Variants in MTPAP observed in about 807,000 individuals in gnomAD.
The protein encoded by MTPAP is mitochondrial poly(A) polymerase, also known as poly(A) RNA polymerase, mitochondrial.
A neutral mutation model predicts 48.7 loss-of-function variants in MTPAP; 23 were observed. The observed-to-expected ratio is 0.47, with a 90% CI of 0.34 to 0.67. The LOEUF (loss-of-function observed/expected upper bound fraction) is 0.67, where lower values mean the gene tolerates loss of function less well. Among genes scored for constraint, MTPAP ranks in the 30% least tolerant of loss-of-function variants. The pLI, the probability that MTPAP is intolerant of heterozygous loss-of-function variation, is 0.01. For synonymous variants in MTPAP, 257 were observed against 254.1 expected (o/e 1.01, Z -0.11); for missense variants, 614 against 694.3 (o/e 0.88, Z 1.30).
Position 30,313,519 on chromosome 10 carries a change from G to C in MTPAP, c.*90C>G, listed in dbSNP as rs571328710. The C allele has an allele frequency of 5.3e-5, 80 of 1,523,750 alleles. No homozygotes were observed. Among genetic ancestry groups the C allele is most frequent in the Non-Finnish European group, 7.1e-5 (78 of 1,104,300 alleles). The allele number at this position is 1,523,750 out of a possible 1,614,324, so 94.4% of individuals were successfully genotyped here. On this transcript the variant is annotated 3_prime_UTR_variant, in exon 9 of 9. Transcript: ENST00000263063. ...AAAAGTGACATCAGATGAAAGCTGA[G>C]ATCTGTGAAAGTTTCAAATCAGTTT...
intron 8 of MTPAP, among the ~76,000 whole-genome samples, chr10:30,315,042 C>T (rs796411409): frequency 5.0e-4 from 76 of 152,162 alleles, no homozygotes; most frequent in African/African-American, 1.8e-3. Context: ...GGTCAAAATT[C>T]CCTGATGTGA....
rs114256068 is a variant in MTPAP at position 30,323,950 on chromosome 10, G to C, written c.993-1333C>G. On this transcript the variant is annotated intron_variant, in intron 5 of 8. Transcript: ENST00000263063. ...GATCTCAGAACTTTGGGAAGCTGAG[G>C]TGGGCAGATAGCTTGAGCCGAGGAG... Among the ~76,000 whole-genome samples the C allele has an allele frequency of 2.6e-3, 397 of 152,312 alleles. 1 individual carries two copies. The highest frequency in any genetic ancestry group is 9.1e-3 in the African/African-American group (378 of 41,576).
At chr10:30,323,509 T>C (rs1840752112) in intron 5 of MTPAP, among the ~76,000 whole-genome samples, 1 of 146,628 alleles carries the variant, frequency 6.8e-6, no homozygotes, top group Non-Finnish European at 1.5e-5. Context: ...ACTCAGAATA[T>C]GTATGTATTT....
intron 5 of MTPAP, among the ~76,000 whole-genome samples, chr10:30,325,592 C>T (rs1038221117): frequency 3.9e-5 from 6 of 151,946 alleles, no homozygotes; most frequent in African/African-American, 1.5e-4. Flanking sequence ...ACTAAAAAAA[C>T]AAAAATTAGC....
rs200030815 is a variant in MTPAP, at chr10:30,349,259, A to G, written c.17T>C (p.Val6Ala). MAVPG[V>A]GLLTRLNLCA... is the part of the protein sequence containing the mutation. ...CAGGTTCAAACGGGTCAAGAGCCCC[A>G]CGCCGGGAACCGCCATTGCTAAAAA... Residue 6 changes from valine to alanine, a missense_variant, in exon 1 of 9, where the codon GTG becomes GCG. By Grantham distance (64) the Val-to-Ala change is moderately conservative (BLOSUM62 0). Transcript: ENST00000263063. The G allele has an allele frequency of 1.1e-5, 16 of 1,402,678 alleles. No individual in the cohort carries two copies. In the East Asian group the frequency reaches 3.4e-4, roughly 30 times the overall value. The allele number at this position is 1,402,678 out of a possible 1,614,324, so 86.9% of individuals were successfully genotyped here.
Position 30,326,421 on chromosome 10 carries a change from T to C in MTPAP, c.992+3A>G, listed in dbSNP as rs777061830. On this transcript the variant is annotated splice_donor_region_variant and intron_variant, in intron 5 of 8. Transcript: ENST00000263063. ...TTAAAATAATAAATGTAAGCGGTCA[T>C]ACCTATTGTTCGTAGTCAAATCACA... 6.2e-6 allele frequency: 10 copies of C among 1,611,246 alleles called. No homozygotes were observed. The highest frequency in any genetic ancestry group is 4.5e-5 in the East Asian group (2 of 44,896).
rs1334534116 is a variant in MTPAP at position 30,313,551 on chromosome 10, G to A, written c.*58C>T. On this transcript the variant is annotated 3_prime_UTR_variant, in exon 9 of 9. Coordinates refer to ENST00000263063, the MANE Select transcript of MTPAP (RefSeq NM_018109.4). ...GAAAGTTTCAAATCAGTTTTTCCAA[G>A]TAAGTCCACAGACCATTTGATAGGC... 6.2e-7 allele frequency: 1 copy of A among 1,607,232 alleles called. No homozygotes were observed. The highest frequency in any genetic ancestry group is 8.5e-7 in the Non-Finnish European group (1 of 1,175,692).
At position 30,336,014 on chromosome 10, in the gene MTPAP, A is replaced by T. The variant is rs193253471; in HGVS notation, c.780+789T>A. ...GACAGAGTGAGACTCAGCCTCAAAA[A>T]AAATAAATAAATAAAAGAAAGTGAA... On this transcript the variant is annotated intron_variant, in intron 4 of 8. Transcript: ENST00000263063. Among the ~76,000 whole-genome samples the T allele has an allele frequency of 4.8e-3, 738 of 152,304 alleles. 6 individuals are homozygous for T. The highest frequency in any genetic ancestry group is 0.017 in the African/African-American group (705 of 41,554).
At chr10:30,336,174 G>A (rs1255081093) in intron 4 of MTPAP, among the ~76,000 whole-genome samples, 1 of 152,016 alleles carries the variant, frequency 6.6e-6, no homozygotes, top group African/African-American at 2.4e-5. Context: ...ATTTATAAGA[G>A]ATACACCCAA....
rs1371074661 is a variant in MTPAP, at chr10:30,322,262, A to G, written c.1219+129T>C. The G allele has an allele frequency of 6.2e-6, 5 of 811,030 alleles. No homozygotes were observed. The Admixed American group carries it at 6.3e-5, about 10-fold the overall frequency. The allele number at this position is 811,030 out of a possible 1,614,324, so 50.2% of individuals were successfully genotyped here. A position where few individuals can be genotyped will look rare whatever the true frequency, so the allele number is the denominator to read the frequency against. ...TCATCTGCTCTCGTGACTCCGGTAG[A>G]CTTTAAAAAAAAGTCAAGACAAATT... is the stretch of plus-strand genomic sequence containing the variant. On this transcript the variant is annotated intron_variant, in intron 6 of 8. Transcript: ENST00000263063.
intron 1 of MTPAP, among the ~76,000 whole-genome samples, chr10:30,344,971 C>T (rs1184843496): frequency 1.3e-5 from 2 of 152,070 alleles, no homozygotes; most frequent in Non-Finnish European, 2.9e-5. Context: ...CCCAAAGTGC[C>T]GGGATTACAA....
At chr10:30,345,093 C>T (rs957480038) in intron 1 of MTPAP, among the ~76,000 whole-genome samples, 1 of 152,166 alleles carries the variant, frequency 6.6e-6, no homozygotes, top group Admixed American at 6.5e-5. Flanking sequence ...TGGTACTTAC[C>T]TTTTCAGACA....
chr10:30,337,498 G>C (rs1458554196), intron 3 of MTPAP, among the ~76,000 whole-genome samples: 1 of 152,062 alleles, frequency 6.6e-6, no homozygotes, highest in African/African-American at 2.4e-5. Flanking sequence ...CAATACTTTG[G>C]AAGGCCAAGG....
At chr10:30,316,511 G>C (rs1022003763) in intron 6 of MTPAP, among the ~76,000 whole-genome samples, 2 of 149,894 alleles carry the variant, frequency 1.3e-5, no homozygotes, top group African/African-American at 4.9e-5. Context: ...CCAAAGTGAG[G>C]GGATTACAGG....
At chr10:30,316,686 T>C (rs956961838) in intron 6 of MTPAP, among the ~76,000 whole-genome samples, 3 of 149,628 alleles carry the variant, frequency 2.0e-5, no homozygotes, top group African/African-American at 7.3e-5. Context: ...GGTCAGGAGT[T>C]CGAGACCAGC....
intron 6 of MTPAP, among the ~76,000 whole-genome samples, chr10:30,318,672 G>C (rs140204697): frequency 4.6e-5 from 7 of 152,298 alleles, no homozygotes; most frequent in Non-Finnish European, 7.4e-5. Flanking sequence ...GGCAATTCAA[G>C]AGGAACCAAA....
At chr10:30,334,917 T>C (rs1834710563) in intron 4 of MTPAP, among the ~76,000 whole-genome samples, 1 of 151,738 alleles carries the variant, frequency 6.6e-6, no homozygotes, top group Admixed American at 6.6e-5. Context: ...TAAGTGAGAG[T>C]TTATAAGGGA....
At chr10:30,319,221 T>C (rs1188285238) in intron 6 of MTPAP, among the ~76,000 whole-genome samples, 1 of 152,024 alleles carries the variant, frequency 6.6e-6, no homozygotes, top group African/African-American at 2.4e-5. Flanking sequence ...AAAAGGAAGG[T>C]GATAAAGGGC....
chr10:30,322,506 A>G lies in MTPAP; in HGVS notation c.1104T>C (p.Ser368=), dbSNP rs2132850173. 1.2e-6 allele frequency: 2 copies of G among 1,613,830 alleles called. No individual in the cohort carries two copies. Among genetic ancestry groups the G allele is most frequent in the South Asian group, 2.2e-5 (2 of 91,074 alleles). ...TTGTAATCCATGCACCAGGAATACT[A>G]CTTGTTAGTGAATGTGCTCGAGCCC... The part of the protein sequence containing the change: ...RCWARAHSLT[S]SIPGAWITNF... Residue 368 remains serine, a synonymous_variant, in exon 6 of 9, where the codon AGT becomes AGC. Transcript: ENST00000263063.
Sources: gnomAD v4.1 joint callset for allele counts (sites outside exome capture counted in the v4.1 genomes callset) on GRCh38, gnomAD v4.1.1 for gene constraint, MANE v1.5 for transcripts, NCBI Gene and HGNC (gene_info 2026-07-23, HGNC 2026-07-21) for gene names.